ACAD11: variants seen among roughly 807,000 people sequenced by gnomAD.
The protein encoded by ACAD11 is acyl-Coenzyme A dehydrogenase family, member 11.
A neutral mutation model predicts 102.2 loss-of-function variants in ACAD11; 83 were observed. That is an observed-to-expected ratio of 0.81 (90% CI 0.68 to 0.97). The LOEUF is 0.97. ACAD11 is among the 50% of genes least tolerant of loss of function. ACAD11 has a pLI of 0.00. For synonymous variants in ACAD11, 324 were observed against 319.8 expected (o/e 1.01, Z -0.14); for missense variants, 901 against 951.7 (o/e 0.95, Z 0.70).
At chr3:132,577,103 A>G in intron 15 of ACAD11, 88 bp from the exon 16 acceptor site, 1 of 823,950 alleles carries the variant, frequency 1.2e-6, no homozygotes, top group Non-Finnish European at 2.0e-6. Flanking sequence ...TAATTACTTG[A>G]AGAAAATAGG....
chr3:132,578,123 C>G (rs1937549027), intron 15 of ACAD11, among the ~76,000 whole-genome samples: 1 of 152,092 alleles, frequency 6.6e-6, no homozygotes, highest in African/African-American at 2.4e-5. Flanking sequence ...CTTTGGGAGG[C>G]CGAGGAGGGT....
intron 17 of ACAD11, among the ~76,000 whole-genome samples, chr3:132,563,516 G>C (rs941454381): frequency 2.6e-5 from 4 of 152,040 alleles, no homozygotes; most frequent in African/African-American, 9.7e-5. Context: ...TGTTTTGGTA[G>C]AGTAGTACTT....
Position 132,558,950 on chromosome 3 carries a change from G to C in ACAD11, c.*21C>G, listed in dbSNP as rs546118768. 1 of 1,560,448 alleles carries C rather than the reference G, an allele frequency of 6.4e-7. No homozygotes were observed. Among genetic ancestry groups the C allele is most frequent in the South Asian group, 1.1e-5 (1 of 88,480 alleles). On this transcript the variant is annotated 3_prime_UTR_variant, in exon 20 of 20. Transcript: ENST00000264990. ...TATAAAGGAGAGTTTCTGCCAGTGG[G>C]ATGTGGCAGTGCCACCCTCCTTATA...
chr3:132,606,413 T>C (rs1938839778), intron 11 of ACAD11, among the ~76,000 whole-genome samples: 1 of 152,200 alleles, frequency 6.6e-6, no homozygotes, highest in South Asian at 2.1e-4. Context: ...CTGTTACTTG[T>C]TATAGTACAA....
At chr3:132,590,673 AT>A (rs1938037909) in intron 13 of ACAD11, among the ~76,000 whole-genome samples, 1 of 152,044 alleles carries the variant, frequency 6.6e-6, no homozygotes, top group Non-Finnish European at 1.5e-5. Context: ...CGCATCTGTT[AT>A]TTTTTGACTT....
rs1559966385 is a variant in ACAD11, at chr3:132,628,414, AT to A, written c.995del (p.Asn332IlefsTer55). The stretch of plus-strand genomic sequence containing the variant: ...CAAATAAAAAGCTATCCTCAGATGA[AT>A]TATTTCCCAGAAGATATCTGCTATA... ...GVYSRYLLGN[N>X]SSEDSFLFAN... is the part of the protein sequence containing the mutation. On this transcript the variant is annotated frameshift_variant, in exon 8 of 20. Coordinates refer to ENST00000264990, the MANE Select transcript of ACAD11 (RefSeq NM_032169.5). LOFTEE classifies it high-confidence loss of function. 4 of 1,612,270 alleles carry A rather than the reference AT, an allele frequency of 2.5e-6. No homozygotes were observed. The highest frequency in any genetic ancestry group is 1.3e-5 in the African/African-American group (1 of 74,794).
chr3:132,575,678 G>A lies in ACAD11; in HGVS notation c.2001+94C>T, dbSNP rs1047665852. Reference sequence around the variant, plus strand: ...TATTGAAAAGAATCACCCGGTTCATGTAGAGAAAGTCTGTCTCTCACAAGT... The same window carrying A: ...TATTGAAAAGAATCACCCGGTTCATATAGAGAAAGTCTGTCTCTCACAAGT... On this transcript the variant is annotated intron_variant, in intron 17 of 19. Transcript: ENST00000264990. 4.8e-6 allele frequency: 7 copies of A among 1,448,906 alleles called. No homozygotes were observed. In the Admixed American group the frequency reaches 5.7e-5, roughly 12 times the overall value. The allele number at this position is 1,448,906 out of a possible 1,614,324, so 89.8% of individuals were successfully genotyped here.
intron 9 of ACAD11, among the ~76,000 whole-genome samples, chr3:132,625,364 T>TA (rs1252903434): frequency 9.2e-5 from 14 of 152,288 alleles, no homozygotes; most frequent in African/African-American, 2.6e-4. Flanking sequence ...TTCCATTTTA[T>TA]AAAAAAACTT....
Position 132,630,478 on chromosome 3 carries a change from A to T in ACAD11, c.922T>A (p.Phe308Ile), listed in dbSNP as rs749204017. The change falls in exon 7 of 20, where the codon TTT (phenylalanine) becomes ATT (isoleucine). Residue 308 changes from phenylalanine to isoleucine, a missense_variant. By Grantham distance (21) the Phe-to-Ile change is conservative (BLOSUM62 0). Transcript: ENST00000264990. The stretch of plus-strand genomic sequence containing the variant: ...ATCTTAAAATATGAAAGGGCAAGAA[A>T]GAAATTCCAGTTAGGAAGAATAGAA... Reference protein sequence around the residue: ...INSILPNWNFFLALSYFKMAG... With the variant: ...INSILPNWNFILALSYFKMAG... The T allele has an allele frequency of 2.5e-6, 4 of 1,613,460 alleles. No homozygotes were observed. Among genetic ancestry groups the T allele is most frequent in the Admixed American group, 3.3e-5 (2 of 59,926 alleles).
intron 1 of ACAD11, chr3:132,648,360 A>T (rs1940795285): frequency 6.6e-6 from 1 of 152,218 alleles, no homozygotes; most frequent in Admixed American, 6.5e-5. Flanking sequence ...CCAAGTTTTC[A>T]GAATTACAGA....
intron 17 of ACAD11, among the ~76,000 whole-genome samples, chr3:132,573,174 T>C (rs534989937): frequency 1.2e-4 from 18 of 152,272 alleles, no homozygotes; most frequent in Admixed American, 9.8e-4. Context: ...AGTGAGAACA[T>C]GCACACCTTG....
chr3:132,628,906 TGTTA>T (rs1939926601), intron 7 of ACAD11, among the ~76,000 whole-genome samples: 1 of 152,230 alleles, frequency 6.6e-6, no homozygotes, highest in South Asian at 2.1e-4. Context: ...TTTCAAACAG[TGTTA>T]GTTGAATGCT....
At chr3:132,639,113 A>G (rs1307869196) in intron 5 of ACAD11, among the ~76,000 whole-genome samples, 2 of 152,246 alleles carry the variant, frequency 1.3e-5, no homozygotes, top group Non-Finnish European at 2.9e-5. Context: ...TAAATTCTTC[A>G]TGAGATAGGG....
chr3:132,573,003 G>T (rs896037799), intron 17 of ACAD11, among the ~76,000 whole-genome samples: 1 of 152,026 alleles, frequency 6.6e-6, no homozygotes. Context: ...ATGGTGGTTT[G>T]CTACACTTAT....
At position 132,586,260 on chromosome 3, in the gene ACAD11, A is replaced by G. The variant is rs978858640; in HGVS notation, c.1622-6702T>C. On this transcript the variant is annotated intron_variant, in intron 13 of 19. Coordinates refer to ENST00000264990, the MANE Select transcript of ACAD11 (RefSeq NM_032169.5). ...GCAAGGACAAAAAAGCAAACACCGC[A>G]TGTTCTCACTCATAGGTGGGAATTG... Among the ~76,000 whole-genome samples the G allele has an allele frequency of 4.8e-4, 73 of 152,288 alleles. No homozygotes were observed. The Middle Eastern group carries it at 0.01, about 21-fold the overall frequency.
intron 11 of ACAD11, among the ~76,000 whole-genome samples, chr3:132,612,128 G>T (rs1377935316): frequency 6.6e-6 from 1 of 152,002 alleles, no homozygotes; most frequent in Non-Finnish European, 1.5e-5. Context: ...ATGGGGAAAG[G>T]ATTCCCTATT....
chr3:132,594,974 C>A (rs906929021), intron 13 of ACAD11, among the ~76,000 whole-genome samples: 1 of 152,126 alleles, frequency 6.6e-6, no homozygotes, highest in Admixed American at 6.6e-5. Context: ...ATGAACAAAG[C>A]AAACAAAAGT....
At chr3:132,579,209 T>G in intron 14 of ACAD11, 1 of 712,202 alleles carries the variant, frequency 1.4e-6, no homozygotes, top group Non-Finnish European at 2.1e-6. Context: ...TACACAGGTC[T>G]GAAAAAATTT....
rs764593575 is a variant in ACAD11, at chr3:132,577,024, T to C, written c.1775-9A>G. On this transcript the variant is annotated splice_polypyrimidine_tract_variant and intron_variant, in intron 15 of 19. Coordinates refer to ENST00000264990, the MANE Select transcript of ACAD11 (RefSeq NM_032169.5). ...TCCTCCATGAAAATTATCTATAAAA[T>C]AGAAAATAAAATTTAGAGCAAAAGG... 1.3e-6 allele frequency: 2 copies of C among 1,566,364 alleles called. No individual in the cohort carries two copies. The highest frequency in any genetic ancestry group is 1.7e-5 in the Admixed American group (1 of 58,534).
Sources: gnomAD v4.1 joint callset for allele counts (sites outside exome capture counted in the v4.1 genomes callset) on GRCh38, gnomAD v4.1.1 for gene constraint, MANE v1.5 for transcripts, NCBI Gene and HGNC (gene_info 2026-07-23, HGNC 2026-07-21) for gene names.